The following TRIM24 variants were observed in gnomAD, a reference collection of about 807,000 sequenced individuals.
The protein encoded by TRIM24 is tripartite motif containing 24.
TRIM24 carries 29 observed loss-of-function variants against 123.9 expected under a neutral mutation model. The observed-to-expected ratio is 0.23, with a 90% CI of 0.17 to 0.32. The LOEUF (loss-of-function observed/expected upper bound fraction) is 0.32. Ranked by LOEUF, TRIM24 falls within the 10% of genes least tolerant of loss-of-function variation. The pLI, the probability that TRIM24 is intolerant of heterozygous loss-of-function variation, is 1.00. For synonymous variants in TRIM24, 456 were observed against 461.1 expected (o/e 0.99, Z 0.14); for missense variants, 932 against 1,295.3 (o/e 0.72, Z 4.31).
At chr7:138,505,537 G>C (rs557841397) in intron 2 of TRIM24, among the ~76,000 whole-genome samples, 413 of 151,718 alleles carry the variant, frequency 2.7e-3, no homozygotes, top group African/African-American at 9.0e-3. Flanking sequence ...TGTTGTTGTT[G>C]TTGTTGTTGT....
intron 8 of TRIM24, among the ~76,000 whole-genome samples, chr7:138,551,801 T>A (rs1797217612): frequency 6.6e-6 from 1 of 152,218 alleles, no homozygotes. Context: ...ACTATATTTT[T>A]ATTGGCTTAT....
intron 9 of TRIM24, among the ~76,000 whole-genome samples, chr7:138,565,331 G>T (rs1797514227): frequency 6.6e-6 from 1 of 152,160 alleles, no homozygotes; most frequent in South Asian, 2.1e-4. Context: ...CCCGGGAGGT[G>T]ATCAGGCTCC....
intron 1 of TRIM24, among the ~76,000 whole-genome samples, chr7:138,496,206 G>A (rs182567590): frequency 6.6e-5 from 10 of 152,278 alleles, no homozygotes; most frequent in Admixed American, 6.5e-4. Context: ...TCTCAACTGT[G>A]TTGAGTCTAC....
At chr7:138,565,012 A>G (rs1424378170) in intron 9 of TRIM24, among the ~76,000 whole-genome samples, 3 of 151,912 alleles carry the variant, frequency 2.0e-5, no homozygotes, top group Non-Finnish European at 4.4e-5. Context: ...GACCCCCACA[A>G]TTACTAAATT....
intron 5 of TRIM24, among the ~76,000 whole-genome samples, chr7:138,528,121 C>T (rs1796650710): frequency 6.6e-6 from 1 of 152,100 alleles, no homozygotes; most frequent in Non-Finnish European, 1.5e-5. Context: ...TAGGCTTGCT[C>T]TAGTGCCTTG....
chr7:138,525,163 G>A, intron 4 of TRIM24, 78 bp from the exon 5 acceptor site: 1 of 642,512 alleles, frequency 1.6e-6, no homozygotes, highest in Non-Finnish European at 2.5e-6. Context: ...CCTATTTTAT[G>A]TTTTTATGTC....
intron 13 of TRIM24, 143 bp downstream of exon 13, chr7:138,576,588 T>G: frequency 1.7e-6 from 1 of 584,134 alleles, no homozygotes; most frequent in Non-Finnish European, 2.8e-6. Flanking sequence ...TACTATATAT[T>G]TTAATGAATT....
At chr7:138,509,802 C>G (rs529116252) in intron 2 of TRIM24, among the ~76,000 whole-genome samples, 1 of 150,576 alleles carries the variant, frequency 6.6e-6, no homozygotes, top group Non-Finnish European at 1.5e-5. Context: ...TAAAGTATCA[C>G]AGAGGTAGCA....
chr7:138,476,156 C>G (rs1287953517), intron 1 of TRIM24, among the ~76,000 whole-genome samples: 2 of 152,134 alleles, frequency 1.3e-5, no homozygotes, highest in Non-Finnish European at 2.9e-5. Context: ...ACAAAAACTT[C>G]AGTAAGGCTA....
intron 2 of TRIM24, among the ~76,000 whole-genome samples, chr7:138,506,462 T>C (rs559338375): frequency 1.3e-5 from 2 of 152,136 alleles, no homozygotes; most frequent in Non-Finnish European, 2.9e-5. Flanking sequence ...AGTATCTGTG[T>C]ATGCTCAATC....
chr7:138,498,823 A>G (rs1044485537), intron 1 of TRIM24, among the ~76,000 whole-genome samples: 10 of 151,772 alleles, frequency 6.6e-5, no homozygotes, highest in African/African-American at 2.2e-4. Context: ...TAGTAGAGAC[A>G]GGGTTTCACC....
At chr7:138,530,277 A>T (rs1184713675) in intron 6 of TRIM24, among the ~76,000 whole-genome samples, 1 of 152,158 alleles carries the variant, frequency 6.6e-6, no homozygotes, top group Non-Finnish European at 1.5e-5. Flanking sequence ...AAACTGCTTA[A>T]AATCAAATAT....
At chr7:138,583,569 G>A (rs111411054) in intron 17 of TRIM24, among the ~76,000 whole-genome samples, 2,621 of 152,298 alleles carry the variant, frequency 0.017, 66 homozygotes, top group African/African-American at 0.059. Flanking sequence ...GCAGTGAGCC[G>A]AGATTGTGTC....
intron 1 of TRIM24, among the ~76,000 whole-genome samples, chr7:138,478,922 A>G (rs557563929): frequency 6.6e-6 from 1 of 152,226 alleles, no homozygotes; most frequent in Admixed American, 6.5e-5. Context: ...CCATCTCAGC[A>G]TAGTGGCCTT....
At chr7:138,491,527 A>G (rs892520846) in intron 1 of TRIM24, among the ~76,000 whole-genome samples, 2 of 152,158 alleles carry the variant, frequency 1.3e-5, no homozygotes, top group Non-Finnish European at 2.9e-5. Flanking sequence ...ATCACTTCTT[A>G]TGGGTGAATA....
intron 9 of TRIM24, among the ~76,000 whole-genome samples, chr7:138,563,102 C>T (rs1366293854): frequency 6.6e-6 from 1 of 152,170 alleles, no homozygotes; most frequent in Non-Finnish European, 1.5e-5. Context: ...AGCTATTCAG[C>T]CCCATTGTCC....
chr7:138,484,629 C>T (rs1795606294), intron 1 of TRIM24, among the ~76,000 whole-genome samples: 1 of 151,966 alleles, frequency 6.6e-6, no homozygotes, highest in Non-Finnish European at 1.5e-5. Context: ...TTATGAATTA[C>T]CTTGGCCTGT....
At chr7:138,511,886 A>G (rs941498296) in intron 2 of TRIM24, among the ~76,000 whole-genome samples, 2 of 152,178 alleles carry the variant, frequency 1.3e-5, no homozygotes, top group Admixed American at 1.3e-4. Context: ...CCTAAGTCTT[A>G]TATTTGAGAT....
At chr7:138,461,073 C>T (rs1487588762) in intron 1 of TRIM24, 161 bp downstream of exon 1, 2 of 824,972 alleles carry the variant, frequency 2.4e-6, no homozygotes, top group Non-Finnish European at 4.0e-6. Flanking sequence ...ACATGGAGGG[C>T]CCGCGCTCTG....
Sources: gnomAD v4.1 joint callset for allele counts (sites outside exome capture counted in the v4.1 genomes callset) on GRCh38, gnomAD v4.1.1 for gene constraint, MANE v1.5 for transcripts, NCBI Gene and HGNC (gene_info 2026-07-23, HGNC 2026-07-21) for gene names.